The following TMEM132D variants were observed in gnomAD, a reference collection of about 807,000 sequenced individuals.
TMEM132D encodes mature OL transmembrane protein.
In TMEM132D, 21 loss-of-function variants were observed where a neutral mutation model predicts 62.3. The ratio of observed to expected loss-of-function variants is 0.34; its 90% CI spans 0.24 to 0.49. The LOEUF is 0.49. Ranked by LOEUF, TMEM132D falls within the 20% of genes least tolerant of loss-of-function variation. TMEM132D has a pLI of 0.99. For missense variants in TMEM132D, 1,346 were observed against 1,402.8 expected (o/e 0.96, Z 0.65); for synonymous variants, 621 against 575.6 (o/e 1.08, Z -1.13).
intron 1 of TMEM132D, among the ~76,000 whole-genome samples, chr12:129,865,770 A>C (rs1428757097): frequency 6.6e-6 from 1 of 152,208 alleles, no homozygotes; most frequent in Admixed American, 6.5e-5. Flanking sequence ...TATGTCACTT[A>C]ATTCTTGCAG....
At chr12:129,662,130 G>T (rs974604788) in intron 2 of TMEM132D, among the ~76,000 whole-genome samples, 1 of 152,198 alleles carries the variant, frequency 6.6e-6, no homozygotes, top group African/African-American at 2.4e-5. Flanking sequence ...TCAAGTGAAA[G>T]CAAGTGTGAG....
At chr12:129,393,274 T>TTGAATGAGTGAG (rs1230984737) in intron 3 of TMEM132D, among the ~76,000 whole-genome samples, 1 of 152,184 alleles carries the variant, frequency 6.6e-6, no homozygotes, top group Non-Finnish European at 1.5e-5. Context: ...TACACATTGG[T>TTGAATGAGTGAG]TGAATGAGTG....
intron 3 of TMEM132D, among the ~76,000 whole-genome samples, chr12:129,518,697 A>G (rs1875756178): frequency 1.3e-5 from 2 of 152,066 alleles, no homozygotes; most frequent in African/African-American, 2.4e-5. Flanking sequence ...GCATTTCCTC[A>G]TGCCAATAAA....
At chr12:129,232,962 G>A (rs1879683410) in intron 4 of TMEM132D, among the ~76,000 whole-genome samples, 1 of 152,116 alleles carries the variant, frequency 6.6e-6, no homozygotes, top group African/African-American at 2.4e-5. Context: ...CCTCCCACCA[G>A]GTCCCTCCTC....
At chr12:129,683,947 G>C (rs1243429854) in intron 2 of TMEM132D, among the ~76,000 whole-genome samples, 4 of 152,124 alleles carry the variant, frequency 2.6e-5, no homozygotes, top group Non-Finnish European at 5.9e-5. Context: ...CTATCAGGTA[G>C]ACCTATAGTA....
chr12:129,102,672 A>G (rs1875353828), intron 5 of TMEM132D, among the ~76,000 whole-genome samples: 1 of 152,226 alleles, frequency 6.6e-6, no homozygotes, highest in Admixed American at 6.5e-5. Context: ...TCCTTTTGCT[A>G]AAACTTTCTC....
intron 1 of TMEM132D, among the ~76,000 whole-genome samples, chr12:129,890,469 C>T (rs1292810039): frequency 6.6e-6 from 1 of 152,172 alleles, no homozygotes; most frequent in Non-Finnish European, 1.5e-5. Flanking sequence ...CCAACCCTGG[C>T]TCCCTGGTAC....
chr12:129,722,985 G>A (rs1289342603), intron 1 of TMEM132D, among the ~76,000 whole-genome samples: 5 of 151,852 alleles, frequency 3.3e-5, no homozygotes, highest in Admixed American at 6.6e-5. Context: ...CAAGTGATCC[G>A]CCCACCTCAG....
At chr12:129,774,232 G>A (rs1032600737) in intron 1 of TMEM132D, among the ~76,000 whole-genome samples, 1 of 152,174 alleles carries the variant, frequency 6.6e-6, no homozygotes, top group Non-Finnish European at 1.5e-5. Context: ...ATTGTACATG[G>A]CCATTAGGAT....
intron 5 of TMEM132D, among the ~76,000 whole-genome samples, chr12:129,149,602 C>G (rs766936760): frequency 6.6e-6 from 1 of 151,958 alleles, no homozygotes; most frequent in Non-Finnish European, 1.5e-5. Context: ...CACTGGGGAC[C>G]GTGTAGATTT....
intron 1 of TMEM132D, among the ~76,000 whole-genome samples, chr12:129,760,568 G>A (rs1414706698): frequency 6.7e-6 from 1 of 149,818 alleles, no homozygotes; most frequent in East Asian, 2.0e-4. Context: ...GGATAGTCTC[G>A]ATCTCCTGAG....
intron 4 of TMEM132D, among the ~76,000 whole-genome samples, chr12:129,249,700 C>T (rs1880215262): frequency 6.6e-6 from 1 of 152,132 alleles, no homozygotes; most frequent in Non-Finnish European, 1.5e-5. Flanking sequence ...GTTACAATAA[C>T]AGATATTTAC....
intron 1 of TMEM132D, among the ~76,000 whole-genome samples, chr12:129,860,664 A>G (rs1873865023): frequency 6.6e-6 from 1 of 152,214 alleles, no homozygotes; most frequent in Middle Eastern, 3.2e-3. Context: ...ACGCTGCTAT[A>G]AAAACATATC....
intron 2 of TMEM132D, among the ~76,000 whole-genome samples, chr12:129,638,349 G>A (rs1879541886): frequency 6.6e-6 from 1 of 151,916 alleles, no homozygotes. Context: ...CGGAGGGTAA[G>A]ACAGACATTC....
intron 4 of TMEM132D, among the ~76,000 whole-genome samples, chr12:129,263,300 T>C (rs1347096979): frequency 6.6e-6 from 1 of 152,214 alleles, no homozygotes; most frequent in Non-Finnish European, 1.5e-5. Flanking sequence ...GGGTATCTTT[T>C]GGTTTTGTTT....
At chr12:129,880,253 T>A (rs1045392695) in intron 1 of TMEM132D, among the ~76,000 whole-genome samples, 5 of 152,144 alleles carry the variant, frequency 3.3e-5, no homozygotes, top group Non-Finnish European at 7.4e-5. Flanking sequence ...CCCAGAATTC[T>A]ATACCCAGTA....
intron 3 of TMEM132D, among the ~76,000 whole-genome samples, chr12:129,354,651 C>A (rs961733738): frequency 2.0e-5 from 3 of 152,120 alleles, no homozygotes; most frequent in Admixed American, 1.3e-4. Context: ...ATGTGCCAAA[C>A]ACTGCTTTAA....
chr12:129,509,567 T>G (rs747513899), intron 3 of TMEM132D, among the ~76,000 whole-genome samples: 3 of 152,174 alleles, frequency 2.0e-5, no homozygotes, highest in Admixed American at 2.0e-4. Context: ...TATTAGGTCT[T>G]ATTCATTCTT....
chr12:129,611,084 C>T (rs372358245), intron 2 of TMEM132D, among the ~76,000 whole-genome samples: 34 of 152,306 alleles, frequency 2.2e-4, no homozygotes, highest in Middle Eastern at 3.4e-3. Context: ...AAACATTAGA[C>T]GCCTGCTTGC....
Sources: gnomAD v4.1 joint callset for allele counts (sites outside exome capture counted in the v4.1 genomes callset) on GRCh38, gnomAD v4.1.1 for gene constraint, MANE v1.5 for transcripts, NCBI Gene and HGNC (gene_info 2026-07-23, HGNC 2026-07-21) for gene names.